Variants in OPCML observed in about 807,000 individuals in gnomAD.
OPCML encodes opioid binding protein/cell adhesion molecule like.
A neutral mutation model predicts 37.8 loss-of-function variants in OPCML; 13 were observed. That is an observed-to-expected ratio of 0.34 (90% CI 0.22 to 0.55). OPCML has a LOEUF of 0.55. Ranked by LOEUF, OPCML falls within the 20% of genes least tolerant of loss-of-function variation. OPCML has a pLI of 0.91. For synonymous variants in OPCML, 176 were observed against 168.8 expected, an observed-to-expected ratio of 1.04 and a Z score of -0.33; for missense variants, 341 against 435.6, an observed-to-expected ratio of 0.78 and a Z score of 1.93.
chr11:133,229,516 T>C (rs1940185007), intron 1 of OPCML, among the ~76,000 whole-genome samples: 1 of 152,084 alleles, frequency 6.6e-6, no homozygotes. Context: ...AAATGAACAA[T>C]TTAAAGGATT....
At chr11:132,485,957 A>C (rs2096198490) in intron 4 of OPCML, among the ~76,000 whole-genome samples, 1 of 152,184 alleles carries the variant, frequency 6.6e-6, no homozygotes, top group African/African-American at 2.4e-5. Context: ...GCCTCTGAAG[A>C]AAGTGTCAGT....
At chr11:133,488,089 C>A (rs780310513) in intron 1 of OPCML, among the ~76,000 whole-genome samples, 1 of 152,038 alleles carries the variant, frequency 6.6e-6, no homozygotes, top group Non-Finnish European at 1.5e-5. Flanking sequence ...ACATCCTCAA[C>A]AAAGTAGACA....
At chr11:133,492,084 T>G (rs1947676144) in intron 1 of OPCML, among the ~76,000 whole-genome samples, 1 of 152,220 alleles carries the variant, frequency 6.6e-6, no homozygotes, top group African/African-American at 2.4e-5. Context: ...TCATCATGAC[T>G]GCATATGCTG....
At chr11:133,087,556 A>G (rs1948835467) in intron 1 of OPCML, among the ~76,000 whole-genome samples, 1 of 152,256 alleles carries the variant, frequency 6.6e-6, no homozygotes, top group South Asian at 2.1e-4. Flanking sequence ...AAGTAAACTT[A>G]TAAAACATCA....
intron 1 of OPCML, among the ~76,000 whole-genome samples, chr11:133,478,498 CA>C (rs1437373843): frequency 6.6e-6 from 1 of 152,128 alleles, no homozygotes; most frequent in Admixed American, 6.5e-5. Context: ...GAATGGCTCA[CA>C]GCATCCTCCA....
intron 1 of OPCML, among the ~76,000 whole-genome samples, chr11:133,245,182 C>T (rs752365119): frequency 4.6e-5 from 7 of 152,334 alleles, no homozygotes; most frequent in East Asian, 1.9e-4. Flanking sequence ...TATAGCACAA[C>T]GTGCAGCCTT....
At chr11:132,672,951 G>C (rs1452467411) in intron 2 of OPCML, among the ~76,000 whole-genome samples, 2 of 151,946 alleles carry the variant, frequency 1.3e-5, no homozygotes, top group African/African-American at 2.4e-5. Flanking sequence ...GAAATATTTT[G>C]GGGCTTCAGA....
chr11:132,600,760 T>C (rs1169893058), intron 3 of OPCML, among the ~76,000 whole-genome samples: 1 of 151,956 alleles, frequency 6.6e-6, no homozygotes, highest in Admixed American at 6.5e-5. Context: ...TAAATGTATA[T>C]CATATTTCAT....
chr11:132,823,320 T>G (rs1940103352), intron 2 of OPCML, among the ~76,000 whole-genome samples: 1 of 152,132 alleles, frequency 6.6e-6, no homozygotes, highest in Admixed American at 6.5e-5. Flanking sequence ...GGGGACAACC[T>G]CTTCTTCCCA....
At chr11:133,179,837 G>A (rs560590843) in intron 1 of OPCML, among the ~76,000 whole-genome samples, 20 of 152,324 alleles carry the variant, frequency 1.3e-4, no homozygotes, top group African/African-American at 4.8e-4. Context: ...AGAATGAGAT[G>A]CAATCAGTAA....
intron 2 of OPCML, among the ~76,000 whole-genome samples, chr11:132,833,274 CT>C (rs1404601899): frequency 3.3e-5 from 5 of 152,076 alleles, no homozygotes; most frequent in Non-Finnish European, 2.9e-5. Flanking sequence ...TCTGTTTTCA[CT>C]TTTTAGTCTG....
intron 2 of OPCML, among the ~76,000 whole-genome samples, chr11:132,904,095 C>A (rs531732953): frequency 6.6e-6 from 1 of 152,230 alleles, no homozygotes; most frequent in Admixed American, 6.5e-5. Context: ...AAGATTGGTC[C>A]TAAAGTGTGG....
chr11:133,031,510 G>A (rs1019510628), intron 1 of OPCML, among the ~76,000 whole-genome samples: 6 of 150,572 alleles, frequency 4.0e-5, no homozygotes, highest in African/African-American at 1.2e-4. Context: ...TGGTTGGATG[G>A]GTAGGTGAAT....
intron 1 of OPCML, among the ~76,000 whole-genome samples, chr11:133,492,836 AC>A (rs1440061207): frequency 6.6e-6 from 1 of 152,210 alleles, no homozygotes; most frequent in African/African-American, 2.4e-5. Context: ...GAGGTCTATT[AC>A]ATGGCAGAAT....
At chr11:133,520,415 G>A (rs1318835520) in intron 1 of OPCML, among the ~76,000 whole-genome samples, 2 of 151,980 alleles carry the variant, frequency 1.3e-5, no homozygotes, top group Non-Finnish European at 1.5e-5. Context: ...TCCCACGCAA[G>A]CAGAAAAACA....
intron 1 of OPCML, among the ~76,000 whole-genome samples, chr11:133,072,126 T>A (rs773886257): frequency 1.1e-4 from 17 of 152,286 alleles, no homozygotes; most frequent in African/African-American, 3.9e-4. Context: ...GAGGGTGGGA[T>A]GGGGAGAGAC....
intron 1 of OPCML, among the ~76,000 whole-genome samples, chr11:133,194,205 C>CA (rs1938441878): frequency 1.9e-5 from 2 of 106,942 alleles, no homozygotes. Flanking sequence ...CCTTCCCCCA[C>CA]TTTTTTTTTT....
At chr11:133,144,890 TGACA>T (rs1329010017) in intron 1 of OPCML, among the ~76,000 whole-genome samples, 3 of 152,154 alleles carry the variant, frequency 2.0e-5, no homozygotes, top group Admixed American at 1.3e-4. Context: ...GACATCTGGG[TGACA>T]GACAAAGTGA....
intron 1 of OPCML, among the ~76,000 whole-genome samples, chr11:133,100,219 A>T (rs1371149845): frequency 6.6e-6 from 1 of 152,164 alleles, no homozygotes; most frequent in Non-Finnish European, 1.5e-5. Context: ...ATCAGGTACC[A>T]TGCTCGCTAC....
Sources: gnomAD v4.1 joint callset for allele counts (sites outside exome capture counted in the v4.1 genomes callset) on GRCh38, gnomAD v4.1.1 for gene constraint, MANE v1.5 for transcripts, NCBI Gene and HGNC (gene_info 2026-07-23, HGNC 2026-07-21) for gene names.